The following LIMCH1 variants were observed in gnomAD, a reference collection of about 807,000 sequenced individuals.
The protein encoded by LIMCH1 is LIM and calponin homology domains 1.
LIMCH1 carries 113 observed loss-of-function variants against 176.5 expected under a neutral mutation model. The observed-to-expected ratio is 0.64, with a 90% CI of 0.55 to 0.75. The LOEUF is 0.75. Ranked by LOEUF, LIMCH1 falls within the 30% of genes least tolerant of loss-of-function variation. The pLI is 0.00. For missense variants in LIMCH1, 1,674 were observed against 1,814.9 expected (o/e 0.92, Z 1.41); for synonymous variants, 619 against 645.9 (o/e 0.96, Z 0.63).
At chr4:41,633,915 G>C in intron 13 of LIMCH1, 107 bp downstream of exon 13, 1 of 1,246,698 alleles carries the variant, frequency 8.0e-7, no homozygotes, top group South Asian at 1.5e-5. Flanking sequence ...GCTGTTGCTA[G>C]CAGAAACAGA....
At chr4:41,569,908 T>G (rs1338685043) in intron 1 of LIMCH1, among the ~76,000 whole-genome samples, 1 of 152,228 alleles carries the variant, frequency 6.6e-6, no homozygotes, top group Non-Finnish European at 1.5e-5. Flanking sequence ...CCTATGCTAT[T>G]TAATCTATTT....
chr4:41,539,509 A>G (rs539188049), intron 1 of LIMCH1, among the ~76,000 whole-genome samples: 8 of 152,250 alleles, frequency 5.3e-5, no homozygotes, highest in African/African-American at 1.9e-4. Flanking sequence ...AACTCCTCCA[A>G]TTTTGAAGAC....
intron 1 of LIMCH1, among the ~76,000 whole-genome samples, chr4:41,428,944 A>T (rs1010592334): frequency 1.3e-5 from 2 of 152,164 alleles, no homozygotes; most frequent in Non-Finnish European, 2.9e-5. Context: ...CATCTCAAGC[A>T]TTTGATTCCC....
At chr4:41,477,455 C>T (rs934159321) in intron 1 of LIMCH1, among the ~76,000 whole-genome samples, 2 of 152,036 alleles carry the variant, frequency 1.3e-5, no homozygotes, top group African/African-American at 4.8e-5. Context: ...ACTACCACAC[C>T]GGGTGCTGAG....
At chr4:41,455,432 A>G (rs926215154) in intron 1 of LIMCH1, among the ~76,000 whole-genome samples, 4 of 152,328 alleles carry the variant, frequency 2.6e-5, no homozygotes, top group African/African-American at 7.2e-5. Flanking sequence ...TTTACAAGTC[A>G]GAATGGGTAT....
intron 1 of LIMCH1, among the ~76,000 whole-genome samples, chr4:41,564,462 G>A (rs1437766540): frequency 1.3e-5 from 2 of 152,150 alleles, no homozygotes; most frequent in African/African-American, 4.8e-5. Context: ...GTATGGTTAA[G>A]GGTCTGTGCT....
At chr4:41,363,147 A>G (rs890645812) in intron 1 of LIMCH1, among the ~76,000 whole-genome samples, 5 of 152,200 alleles carry the variant, frequency 3.3e-5, no homozygotes, top group African/African-American at 1.2e-4. Context: ...TCTTCTTGAA[A>G]TGTAAATGCC....
At chr4:41,634,809 A>G (rs571106593) in intron 13 of LIMCH1, among the ~76,000 whole-genome samples, 3 of 152,208 alleles carry the variant, frequency 2.0e-5, no homozygotes, top group Non-Finnish European at 4.4e-5. Context: ...ATGTAGAGAA[A>G]AGCTGCGTGA....
At chr4:41,524,387 C>T in intron 2 of LIMCH1, 6 of 1,601,844 alleles carry the variant, frequency 3.7e-6, no homozygotes, top group Admixed American at 3.3e-5. Flanking sequence ...TCTCACTTGA[C>T]ATTCTGCCTT....
chr4:41,537,833 T>C (rs2152461887), upstream of LIMCH1, among the ~76,000 whole-genome samples: 1 of 152,316 alleles, frequency 6.6e-6, no homozygotes, highest in African/African-American at 2.4e-5. Flanking sequence ...TTTTGAAACA[T>C]TGTTATTTTA....
At chr4:41,472,313 G>T (rs888849852) in intron 1 of LIMCH1, among the ~76,000 whole-genome samples, 14 of 151,850 alleles carry the variant, frequency 9.2e-5, no homozygotes, top group African/African-American at 3.1e-4. Flanking sequence ...CAGAAAGCCA[G>T]TTCCTTCCCT....
In LIMCH1 at chr4:41,675,864, C is replaced by A. The variant is rs542344392; in HGVS notation, c.3439-518C>A. On this transcript the variant is annotated intron_variant, in intron 22 of 31. Coordinates refer to ENST00000503057, the MANE Select transcript of LIMCH1 (RefSeq NM_001330672.2). Reference sequence around the variant, plus strand: ...GGGCAAGTGATCTGCTTGCCTGGATCTTAGGTGGTACTGGTGAGCATTGGT... The same window carrying A: ...GGGCAAGTGATCTGCTTGCCTGGATATTAGGTGGTACTGGTGAGCATTGGT... 2.0e-5 allele frequency among the ~76,000 whole-genome samples: 3 copies of A among 152,244 alleles called. No individual in the cohort carries two copies. The South Asian group carries it at 6.2e-4, about 32-fold the overall frequency.
intron 1 of LIMCH1, among the ~76,000 whole-genome samples, chr4:41,582,012 T>TGAA (rs1239836952): frequency 6.6e-6 from 1 of 152,156 alleles, no homozygotes; most frequent in Non-Finnish European, 1.5e-5. Flanking sequence ...GTTCATCCAT[T>TGAA]GAAGGACACA....
chr4:41,676,518 A>G (rs2095224428), intron 23 of LIMCH1, 56 bp downstream of exon 23: 1 of 1,215,940 alleles, frequency 8.2e-7, no homozygotes, highest in East Asian at 2.3e-5. Flanking sequence ...CTTGCTTTCC[A>G]TTGCATTAAA....
chr4:41,528,708 C>A (rs953835994), intron 3 of LIMCH1, among the ~76,000 whole-genome samples: 15 of 152,044 alleles, frequency 9.9e-5, no homozygotes, highest in Non-Finnish European at 2.1e-4. Context: ...AAGCCATGCC[C>A]GTGTGTCTTA....
chr4:41,572,240 C>T (rs1584296348), intron 1 of LIMCH1, among the ~76,000 whole-genome samples: 1 of 151,966 alleles, frequency 6.6e-6, no homozygotes, highest in East Asian at 1.9e-4. Flanking sequence ...TTGCAAGTGC[C>T]CCACTCAAAT....
At chr4:41,414,137 C>A (rs2059721557) in intron 1 of LIMCH1, among the ~76,000 whole-genome samples, 1 of 152,034 alleles carries the variant, frequency 6.6e-6, no homozygotes, top group South Asian at 2.1e-4. Context: ...CTGTATTATT[C>A]ATATTAACAG....
intron 1 of LIMCH1, among the ~76,000 whole-genome samples, chr4:41,549,090 A>G (rs2080015210): frequency 6.6e-6 from 1 of 151,240 alleles, no homozygotes; most frequent in Non-Finnish European, 1.5e-5. Context: ...TGGTCTCACT[A>G]TGTTGCCTGG....
At chr4:41,593,442 G>A (rs989870056) in intron 1 of LIMCH1, among the ~76,000 whole-genome samples, 3 of 152,180 alleles carry the variant, frequency 2.0e-5, no homozygotes, top group Non-Finnish European at 4.4e-5. Context: ...AGGATTTACC[G>A]CCATGAGTTT....
Sources: gnomAD v4.1 joint callset for allele counts (sites outside exome capture counted in the v4.1 genomes callset) on GRCh38, gnomAD v4.1.1 for gene constraint, MANE v1.5 for transcripts, NCBI Gene and HGNC (gene_info 2026-07-23, HGNC 2026-07-21) for gene names.